The following ZSCAN5A variants were observed in gnomAD, a reference collection of about 807,000 sequenced individuals.
The protein encoded by ZSCAN5A is zinc finger and SCAN domain-containing protein 5A.
Under a neutral mutation model 23.7 loss-of-function variants are expected in ZSCAN5A, and 12 were observed. The ratio of observed to expected loss-of-function variants is 0.51; its 90% confidence interval spans 0.32 to 0.82. ZSCAN5A has a LOEUF of 0.82. Among genes scored for constraint, ZSCAN5A ranks in the 40% least tolerant of loss-of-function variants. ZSCAN5A has a pLI of 0.03. For synonymous variants in ZSCAN5A, 257 were observed against 239.9 expected, an observed-to-expected ratio of 1.07 and a Z score of -0.66; for missense variants, 597 against 617.9, an observed-to-expected ratio of 0.97 and a Z score of 0.36.
At chr19:56,253,754 G>A (rs1199271668) in intron 2 of ZSCAN5A, among the ~76,000 whole-genome samples, 1 of 152,172 alleles carries the variant, frequency 6.6e-6, no homozygotes, top group African/African-American at 2.4e-5. Context: ...GATCTGAGTG[G>A]ATGAGAACTG....
At chr19:56,276,415 G>T (rs1290435276) in intron 2 of ZSCAN5A, among the ~76,000 whole-genome samples, 1 of 151,648 alleles carries the variant, frequency 6.6e-6, no homozygotes, top group African/African-American at 2.4e-5. Context: ...TAACACCTTG[G>T]CTTATGTTTA....
intron 2 of ZSCAN5A, among the ~76,000 whole-genome samples, chr19:56,253,796 A>G (rs1047110461): frequency 3.3e-5 from 5 of 152,182 alleles, no homozygotes; most frequent in African/African-American, 1.2e-4. Flanking sequence ...CTCTTCGTCA[A>G]TTCAGGTTTT....
chr19:56,300,174 T>C (rs1273915154), intron 2 of ZSCAN5A, among the ~76,000 whole-genome samples: 1 of 152,186 alleles, frequency 6.6e-6, no homozygotes, highest in Non-Finnish European at 1.5e-5. Context: ...AATAGTTTTA[T>C]TAATGGGTAA....
At chr19:56,356,338 C>T (rs952484278) in intron 2 of ZSCAN5A, among the ~76,000 whole-genome samples, 4 of 148,490 alleles carry the variant, frequency 2.7e-5, no homozygotes, top group East Asian at 1.9e-4. Context: ...CTTACAGAAG[C>T]GAGAAGAAAG....
At chr19:56,269,308 A>G (rs2037682200) in intron 2 of ZSCAN5A, among the ~76,000 whole-genome samples, 1 of 152,230 alleles carries the variant, frequency 6.6e-6, no homozygotes, top group African/African-American at 2.4e-5. Context: ...TCACAATTAT[A>G]TGGCATAATA....
chr19:56,244,115 T>C, intron 2 of ZSCAN5A: 2 of 1,544,188 alleles, frequency 1.3e-6, no homozygotes, highest in Non-Finnish European at 1.8e-6. Context: ...GCCGCCACAG[T>C]CTGTGGCTTC....
chr19:56,225,980 T>C (rs1299193547), intron 2 of ZSCAN5A, among the ~76,000 whole-genome samples: 2 of 151,448 alleles, frequency 1.3e-5, no homozygotes, highest in African/African-American at 2.4e-5. Context: ...AAGAAGTGGG[T>C]TGATACAATA....
chr19:56,237,464 C>T (rs2035022204), intron 2 of ZSCAN5A, among the ~76,000 whole-genome samples: 3 of 152,082 alleles, frequency 2.0e-5, no homozygotes, highest in South Asian at 2.1e-4. Context: ...GGTACGTGTT[C>T]AGGGCGGGTT....
intron 2 of ZSCAN5A, among the ~76,000 whole-genome samples, chr19:56,337,060 T>C (rs1193753966): frequency 6.6e-6 from 1 of 152,192 alleles, no homozygotes; most frequent in African/African-American, 2.4e-5. Flanking sequence ...AGTCTGCCTG[T>C]TCTCAGATCT....
intron 2 of ZSCAN5A, among the ~76,000 whole-genome samples, chr19:56,251,107 G>A (rs933339309): frequency 4.0e-5 from 6 of 149,096 alleles, no homozygotes; most frequent in Non-Finnish European, 7.4e-5. Context: ...CCAAGATCGT[G>A]CCACTGCACT....
chr19:56,270,398 G>A (rs1005289267), intron 2 of ZSCAN5A, among the ~76,000 whole-genome samples: 6 of 152,124 alleles, frequency 3.9e-5, no homozygotes, highest in African/African-American at 1.4e-4. Context: ...CAGCCTGGGC[G>A]ACAGGGTGAG....
rs553965645 is a variant in ZSCAN5A, at chr19:56,296,848, A to G, written c.-128+16435T>C. Among the ~76,000 whole-genome samples, 241 of 152,276 alleles carry G rather than the reference A, an allele frequency of 1.6e-3. 1 individual carries two copies. The highest frequency in any genetic ancestry group is 3.4e-3 in the Middle Eastern group (1 of 294). On this transcript the variant is annotated intron_variant, in intron 2 of 5. Transcript: ENST00000683990. ...CAGAAGTTCGAGACCAGCCTGGCCA[A>G]CATGGTGAAACTCCGTCTCTACTAA...
intron 1 of ZSCAN5A, among the ~76,000 whole-genome samples, chr19:56,365,362 A>G (rs1568769490): frequency 6.6e-6 from 1 of 152,238 alleles, no homozygotes; most frequent in Non-Finnish European, 1.5e-5. Flanking sequence ...CTACCTTTGT[A>G]GCGAGGTTTT....
intron 2 of ZSCAN5A, among the ~76,000 whole-genome samples, chr19:56,361,775 T>G (rs184628375): frequency 9.2e-5 from 14 of 152,238 alleles, no homozygotes; most frequent in African/African-American, 3.4e-4. Flanking sequence ...ACCTAGGTGA[T>G]GGGTTGATAG....
At chr19:56,302,761 T>TAA (rs2040430000) in intron 2 of ZSCAN5A, 1 of 334,988 alleles carries the variant, frequency 3.0e-6, no homozygotes, top group Non-Finnish European at 5.4e-6. Context: ...CCTTCTGCAC[T>TAA]AACACAGCCC....
intron 2 of ZSCAN5A, among the ~76,000 whole-genome samples, chr19:56,304,231 C>A (rs966408702): frequency 3.3e-5 from 5 of 152,178 alleles, no homozygotes; most frequent in African/African-American, 1.2e-4. Context: ...AGCCGTGCAG[C>A]AGTTCTAAAG....
chr19:56,291,735 A>G (rs1236833692), intron 2 of ZSCAN5A, among the ~76,000 whole-genome samples: 2 of 149,990 alleles, frequency 1.3e-5, no homozygotes, highest in African/African-American at 4.9e-5. Context: ...TCAGCTTTTG[A>G]CCATCTTTTT....
chr19:56,300,802 T>TA (rs113042044), intron 2 of ZSCAN5A, among the ~76,000 whole-genome samples: 1,783 of 149,224 alleles, frequency 0.012, 33 homozygotes, highest in African/African-American at 0.041. Flanking sequence ...GGTTTACGTG[T>TA]AAAAAAAAAA....
chr19:56,222,892 C>T (rs925862693), intron 4 of ZSCAN5A, 151 bp from the exon 5 acceptor site: 2 of 976,300 alleles, frequency 2.0e-6, no homozygotes, highest in Non-Finnish European at 3.1e-6. Context: ...CCCATCACCC[C>T]ACGTAAACAT....
Sources: gnomAD v4.1 joint callset for allele counts (sites outside exome capture counted in the v4.1 genomes callset) on GRCh38, gnomAD v4.1.1 for gene constraint, MANE v1.5 for transcripts, NCBI Gene and HGNC (gene_info 2026-07-23, HGNC 2026-07-21) for gene names.